The following PRH1 variants were observed in gnomAD, a reference collection of about 807,000 sequenced individuals.
The protein encoded by PRH1 is salivary acidic proline-rich phosphoprotein 1/2.
A neutral mutation model predicts 7.9 loss-of-function variants in PRH1; 7 were observed. The ratio of observed to expected loss-of-function variants is 0.89; its 90% CI spans 0.50 to 1.67. The LOEUF is 1.67. Among genes scored for constraint, PRH1 ranks in the 40% most tolerant of loss-of-function variants. The probability of loss-of-function intolerance (pLI) is 0.00; values close to 1 mark genes in which losing one functional copy is unlikely to be tolerated. For synonymous variants in PRH1, 45 were observed against 80.8 expected, an observed-to-expected ratio of 0.56 and a Z score of 2.38; for missense variants, 109 against 223.6, an observed-to-expected ratio of 0.49 and a Z score of 3.27.
At chr12:11,160,299 C>T (rs1251541720) in intron 1 of PRH1, among the ~76,000 whole-genome samples, 2 of 152,060 alleles carry the variant, frequency 1.3e-5, no homozygotes, top group Admixed American at 1.3e-4. Context: ...TCACCCAAGT[C>T]CTAAAACTAT....
chr12:11,134,032 C>T (rs758536172), intron 1 of PRH1: 1 of 1,614,074 alleles, frequency 6.2e-7, no homozygotes, highest in Admixed American at 1.7e-5. Context: ...AAGCTGGATT[C>T]AACTGAGTTG....
intron 1 of PRH1, among the ~76,000 whole-genome samples, chr12:11,160,991 A>G (rs1947396590): frequency 6.6e-6 from 1 of 152,192 alleles, no homozygotes; most frequent in South Asian, 2.1e-4. Context: ...CTAAGCATAT[A>G]GACTATATTT....
chr12:11,002,082 A>G (rs929137826), intron 1 of PRH1, among the ~76,000 whole-genome samples: 1 of 152,158 alleles, frequency 6.6e-6, no homozygotes, highest in South Asian at 2.1e-4. Flanking sequence ...ATACTTAAAA[A>G]TGTATTTGGT....
intron 2 of PRH1, among the ~76,000 whole-genome samples, chr12:10,928,504 T>C (rs1298172638): frequency 6.6e-6 from 1 of 152,212 alleles, no homozygotes; most frequent in Non-Finnish European, 1.5e-5. Flanking sequence ...TCCTTGGTGG[T>C]TTCTGTGTTC....
At chr12:10,916,341 C>T (rs1339687037) in intron 2 of PRH1, among the ~76,000 whole-genome samples, 1 of 152,042 alleles carries the variant, frequency 6.6e-6, no homozygotes, top group Non-Finnish European at 1.5e-5. Flanking sequence ...CATATCAAAC[C>T]CTGTTCCAGA....
At chr12:11,019,079 T>C (rs1317447607) in intron 1 of PRH1, among the ~76,000 whole-genome samples, 1 of 152,176 alleles carries the variant, frequency 6.6e-6, no homozygotes, top group Non-Finnish European at 1.5e-5. Flanking sequence ...CACCAAGGGG[T>C]TGGATAATGT....
intron 1 of PRH1, among the ~76,000 whole-genome samples, chr12:11,072,194 C>A (rs1246087016): frequency 2.0e-5 from 3 of 152,066 alleles, no homozygotes; most frequent in Non-Finnish European, 4.4e-5. Context: ...ACCATGTAGC[C>A]CAGGGTGGTC....
At chr12:10,926,595 C>T (rs750206349) in intron 2 of PRH1, among the ~76,000 whole-genome samples, 1 of 152,084 alleles carries the variant, frequency 6.6e-6, no homozygotes, top group Non-Finnish European at 1.5e-5. Context: ...ATGGGATGTA[C>T]TGGGGGAAGA....
At position 11,093,877 on chromosome 12, in the gene PRH1, G is replaced by T; in HGVS notation, n.124-46689C>A. On this transcript the variant is annotated intron_variant and non_coding_transcript_variant, in intron 1 of 4. Coordinates refer to the PRH1 transcript ENST00000541977. ...TCTTTCCATTTACCATGAGAATATC[G>T]CCTGGCTAGTACACTGTTCCCAGAA... Among the ~76,000 whole-genome samples, 2 of 112,644 alleles carry T rather than the reference G, an allele frequency of 1.8e-5. 1 individual carries two copies. The highest frequency in any genetic ancestry group is 4.2e-5 in the Non-Finnish European group (2 of 47,930). The allele number at this position is 112,644 out of a possible 152,430, so 73.9% of individuals were successfully genotyped here. A position where few individuals can be genotyped will look rare whatever the true frequency, so the allele number is the denominator to read the frequency against.
At chr12:11,159,060 AGCC>A in intron 1 of PRH1, 1 of 155,196 alleles carries the variant, frequency 6.4e-6, no homozygotes, top group East Asian at 1.8e-4. Flanking sequence ...GAGTCCCTTG[AGCC>A]CAGAGAGTTG....
intron 2 of PRH1, among the ~76,000 whole-genome samples, chr12:10,962,099 G>C (rs1938264440): frequency 6.6e-6 from 1 of 152,146 alleles, no homozygotes; most frequent in South Asian, 2.1e-4. Flanking sequence ...TTTAATATCA[G>C]ACACTGGCTC....
intron 1 of PRH1, among the ~76,000 whole-genome samples, chr12:10,987,384 A>T (rs557432918): frequency 6.6e-6 from 1 of 152,122 alleles, no homozygotes; most frequent in South Asian, 2.1e-4. Flanking sequence ...TTTATGCTAC[A>T]TTTAAACAGA....
intron 1 of PRH1, among the ~76,000 whole-genome samples, chr12:10,973,978 G>A (rs7294858): frequency 0.25 from 37,626 of 152,040 alleles, 4,703 homozygotes; most frequent in African/African-American, 0.26. Flanking sequence ...AGAACAAAGT[G>A]GGGGGATTAC....
chr12:11,092,591 C>T (rs114352173), intron 1 of PRH1, among the ~76,000 whole-genome samples: 24,205 of 110,406 alleles, frequency 0.22, 8,378 homozygotes, highest in Non-Finnish European at 0.3. Flanking sequence ...TTGATTGGTG[C>T]ATTTTAGAGC....
intron 1 of PRH1, among the ~76,000 whole-genome samples, chr12:11,099,295 C>A (rs1266342886): frequency 6.6e-6 from 1 of 152,082 alleles, no homozygotes; most frequent in Non-Finnish European, 1.5e-5. Context: ...GTACACTGTT[C>A]CCAGAAGGAG....
upstream of PRH1, chr12:11,049,168 A>AT: frequency 1.9e-6 from 2 of 1,070,970 alleles, no homozygotes; most frequent in African/African-American, 1.7e-5. Context: ...AAGGACACCT[A>AT]CTAGAGCTAT....
upstream of PRH1, chr12:11,048,289 T>C (rs1942989891): frequency 4.7e-6 from 1 of 210,636 alleles, no homozygotes; most frequent in Non-Finnish European, 9.8e-6. Context: ...CGTCAGTTTG[T>C]TTTCAGCTAA....
intron 1 of PRH1, among the ~76,000 whole-genome samples, chr12:10,980,123 A>G (rs528846370): frequency 6.6e-6 from 1 of 152,302 alleles, no homozygotes; most frequent in African/African-American, 2.4e-5. Flanking sequence ...CTAAAAAGTA[A>G]GAGCCAAAAG....
chr12:11,037,863 A>G (rs1239972403), intron 1 of PRH1, among the ~76,000 whole-genome samples: 1 of 151,798 alleles, frequency 6.6e-6, no homozygotes, highest in Non-Finnish European at 1.5e-5. Flanking sequence ...AACATGGCAA[A>G]ACCTTGCCTC....
Sources: allele counts gnomAD v4.1 joint callset (sites outside exome capture counted in the v4.1 genomes callset), GRCh38; gene constraint gnomAD v4.1.1; transcripts MANE v1.5; gene names NCBI Gene and HGNC (gene_info 2026-07-23, HGNC 2026-07-21).